Variants in RBFOX1 observed in about 807,000 individuals in gnomAD.
RBFOX1 encodes RNA binding fox-1 homolog 1, also known as RNA binding protein fox-1 homolog 1.
A neutral mutation model predicts 57.7 loss-of-function variants in RBFOX1; 8 were observed. The ratio of observed to expected loss-of-function variants is 0.14; its 90% confidence interval spans 0.08 to 0.25. The LOEUF is 0.25. RBFOX1 is among the 10% of genes least tolerant of loss of function. The pLI is 1.00. For synonymous variants in RBFOX1, 326 were observed against 222.4 expected (o/e 1.47, Z -4.15); for missense variants, 611 against 548.5 (o/e 1.11, Z -1.14).
intron 1 of RBFOX1, among the ~76,000 whole-genome samples, chr16:6,205,264 A>T (rs537055821): frequency 6.6e-6 from 1 of 152,178 alleles, no homozygotes; most frequent in African/African-American, 2.4e-5. Flanking sequence ...AGATTAGCTT[A>T]ATGTTGCCTA....
chr16:7,480,868 C>G (rs113318513), intron 4 of RBFOX1, among the ~76,000 whole-genome samples: 17 of 152,194 alleles, frequency 1.1e-4, no homozygotes, highest in African/African-American at 4.1e-4. Flanking sequence ...AGTTGTCCTC[C>G]TGGGGCTGCT....
At chr16:5,515,813 A>G (rs182442657) in intron 2 of RBFOX1, among the ~76,000 whole-genome samples, 46 of 152,326 alleles carry the variant, frequency 3.0e-4, no homozygotes, top group Non-Finnish European at 3.5e-4. Context: ...AGGGCAGGAA[A>G]TGATGCGTAA....
intron 1 of RBFOX1, among the ~76,000 whole-genome samples, chr16:5,408,776 C>T (rs552764501): frequency 1.3e-5 from 2 of 152,284 alleles, no homozygotes; most frequent in African/African-American, 4.8e-5. Context: ...GCAGGCACTT[C>T]CCATGGCAAA....
chr16:5,875,076 C>T lies in RBFOX1; in HGVS notation c.351+7741C>T, dbSNP rs543129263. On this transcript the variant is annotated intron_variant, in intron 4 of 19. Transcript: ENST00000641259. ...AGAGGCTGACTAACCAGCAAGCTGA[C>T]ATCCAAAAGCACTTAGCGGGGAGAT... Among the ~76,000 whole-genome samples, 3 of 152,328 alleles carry T rather than the reference C, an allele frequency of 2.0e-5. No homozygotes were observed. In the East Asian group the frequency reaches 5.8e-4, roughly 29 times the overall value.
At chr16:7,190,771 T>G (rs2085175702) in intron 4 of RBFOX1, among the ~76,000 whole-genome samples, 1 of 152,204 alleles carries the variant, frequency 6.6e-6, no homozygotes. Context: ...TAATTCGGGT[T>G]TATGGCATTG....
chr16:6,407,294 C>A (rs575725006), intron 2 of RBFOX1, among the ~76,000 whole-genome samples: 1 of 152,118 alleles, frequency 6.6e-6, no homozygotes, highest in South Asian at 2.1e-4. Flanking sequence ...ATATCCATAT[C>A]AAATATGTAC....
chr16:5,908,204 A>ACATATATACATATATATG (rs1555443861), intron 4 of RBFOX1, among the ~76,000 whole-genome samples: 1 of 120,228 alleles, frequency 8.3e-6, no homozygotes, highest in African/African-American at 3.0e-5. Context: ...ATACATATAC[A>ACATATATACATATATATG]CACATATATA....
chr16:7,623,694 C>A (rs1322590014), intron 10 of RBFOX1, among the ~76,000 whole-genome samples: 2 of 152,126 alleles, frequency 1.3e-5, no homozygotes, highest in African/African-American at 2.4e-5. Context: ...GGAACCCTGG[C>A]TTAAACAACA....
intron 2 of RBFOX1, among the ~76,000 whole-genome samples, chr16:5,570,000 G>T (rs2046223741): frequency 6.6e-6 from 1 of 152,154 alleles, no homozygotes; most frequent in African/African-American, 2.4e-5. Context: ...CATTAGGAGT[G>T]GAGTTTAGAC....
intron 3 of RBFOX1, among the ~76,000 whole-genome samples, chr16:6,805,999 A>G (rs1160907152): frequency 6.6e-6 from 1 of 152,174 alleles, no homozygotes; most frequent in Non-Finnish European, 1.5e-5. Context: ...TGAGAAGGGG[A>G]AAAACTGTGG....
chr16:6,421,686 C>T (rs1378915775), intron 2 of RBFOX1, among the ~76,000 whole-genome samples: 1 of 152,116 alleles, frequency 6.6e-6, no homozygotes, highest in African/African-American at 2.4e-5. Flanking sequence ...ATCACACACA[C>T]AAAAAATGAT....
chr16:5,794,911 C>T (rs560448333), intron 3 of RBFOX1, among the ~76,000 whole-genome samples: 2 of 152,236 alleles, frequency 1.3e-5, no homozygotes, highest in South Asian at 4.1e-4. Context: ...CATGGGATCC[C>T]AGTCTACACA....
intron 3 of RBFOX1, among the ~76,000 whole-genome samples, chr16:6,994,404 G>T (rs1413178409): frequency 2.0e-5 from 3 of 152,094 alleles, no homozygotes; most frequent in Admixed American, 2.0e-4. Context: ...ATAGTGCATG[G>T]GCAATGCTTC....
At chr16:7,065,545 G>A (rs77003230) in intron 4 of RBFOX1, among the ~76,000 whole-genome samples, 7,655 of 152,212 alleles carry the variant, frequency 0.05, 325 homozygotes, top group East Asian at 0.2. Context: ...AATTAAAATG[G>A]TATATCCTTA....
intron 3 of RBFOX1, among the ~76,000 whole-genome samples, chr16:7,011,477 G>A (rs368265055): frequency 4.9e-4 from 74 of 152,142 alleles, no homozygotes; most frequent in African/African-American, 1.5e-3. Flanking sequence ...TTTTTGTTGT[G>A]TGTGTTTGTT....
At chr16:7,497,771 C>A (rs1402984322) in intron 4 of RBFOX1, among the ~76,000 whole-genome samples, 1 of 152,142 alleles carries the variant, frequency 6.6e-6, no homozygotes, top group Non-Finnish European at 1.5e-5. Context: ...AATGGATAAC[C>A]TTGCAGAGCA....
At chr16:5,549,940 G>A (rs1159610470) in intron 2 of RBFOX1, among the ~76,000 whole-genome samples, 1 of 152,184 alleles carries the variant, frequency 6.6e-6, no homozygotes, top group Non-Finnish European at 1.5e-5. Flanking sequence ...GTAGATGTTT[G>A]CATGTGTATG....
At chr16:5,668,210 G>A (rs1445869114) in intron 3 of RBFOX1, among the ~76,000 whole-genome samples, 1 of 152,136 alleles carries the variant, frequency 6.6e-6, no homozygotes, top group East Asian at 1.9e-4. Context: ...GAACCCGGGA[G>A]GCGGAGGTTG....
intron 5 of RBFOX1, among the ~76,000 whole-genome samples, chr16:7,559,263 A>T (rs1045969209): frequency 2.0e-5 from 3 of 152,156 alleles, no homozygotes; most frequent in African/African-American, 7.2e-5. Context: ...TCTGCCATGA[A>T]ATTCTGCTTT....
Sources: gnomAD v4.1 joint callset for allele counts (sites outside exome capture counted in the v4.1 genomes callset) on GRCh38, gnomAD v4.1.1 for gene constraint, MANE v1.5 for transcripts, NCBI Gene and HGNC (gene_info 2026-07-23, HGNC 2026-07-21) for gene names.